Variants in DOCK1 observed in about 807,000 individuals in gnomAD.
The protein encoded by DOCK1 is dedicator of cytokinesis protein 1.
Under a neutral mutation model 262.7 loss-of-function variants are expected in DOCK1, and 138 were observed. The ratio of observed to expected loss-of-function variants is 0.53; its 90% CI spans 0.46 to 0.61. The LOEUF is 0.61. DOCK1 is among the 20% of genes least tolerant of loss of function. DOCK1 has a pLI of 0.00. For missense variants in DOCK1, 1,908 were observed against 2,370.7 expected (o/e 0.80, Z 4.05); for synonymous variants, 866 against 867.4 (o/e 1.00, Z 0.03).
intron 35 of DOCK1, among the ~76,000 whole-genome samples, chr10:127,378,965 C>A (rs969661690): frequency 2.0e-5 from 3 of 152,330 alleles, no homozygotes; most frequent in East Asian, 3.9e-4. Flanking sequence ...TCAGAGACAT[C>A]AATTGTAGAA....
intron 27 of DOCK1, among the ~76,000 whole-genome samples, chr10:127,231,100 A>G (rs2058825265): frequency 6.6e-6 from 1 of 152,136 alleles, no homozygotes; most frequent in African/African-American, 2.4e-5. Flanking sequence ...TATTAATGCA[A>G]CTTTCATTAA....
At chr10:127,424,683 C>T (rs909556388) in intron 46 of DOCK1, among the ~76,000 whole-genome samples, 1 of 152,140 alleles carries the variant, frequency 6.6e-6, no homozygotes, top group African/African-American at 2.4e-5. Flanking sequence ...CGGCTAGCCC[C>T]GGGGAAGCTG....
rs778850029 is a variant in DOCK1 at position 127,410,978 on chromosome 10, C to T, written c.4428+54C>T. 4.5e-6 allele frequency: 7 copies of T among 1,554,002 alleles called. No homozygotes were observed. In the East Asian group the frequency reaches 1.6e-4, roughly 36 times the overall value. ...ACAACAAAAAATATCATTCCGCCAC[C>T]AGTAGAACTGCCACTGGAGAAGCGT... On this transcript the variant is annotated intron_variant, in intron 43 of 51. Coordinates refer to ENST00000623213, the MANE Select transcript of DOCK1 (RefSeq NM_001290223.2).
chr10:127,002,844 T>G (rs1359415591), intron 10 of DOCK1, among the ~76,000 whole-genome samples: 1 of 152,224 alleles, frequency 6.6e-6, no homozygotes, highest in African/African-American at 2.4e-5. Flanking sequence ...GTTCCTTCCC[T>G]TCCTGTCTTG....
chr10:126,969,641 G>T (rs1249494664), intron 1 of DOCK1, among the ~76,000 whole-genome samples: 1 of 152,152 alleles, frequency 6.6e-6, no homozygotes, highest in African/African-American at 2.4e-5. Context: ...TGGCTTTCGT[G>T]ATGAGGTGCA....
intron 20 of DOCK1, 122 bp from the exon 21 acceptor site, chr10:127,042,942 C>T: frequency 1.2e-6 from 1 of 867,036 alleles, no homozygotes; most frequent in Non-Finnish European, 1.8e-6. Context: ...AACTAGCCAC[C>T]AACTTCTATC....
At chr10:127,043,215 G>A in intron 21 of DOCK1, 51 bp downstream of exon 21, 1 of 1,373,376 alleles carries the variant, frequency 7.3e-7, no homozygotes, top group Admixed American at 2.0e-5. Context: ...TGGTATTTGT[G>A]TTATTTAGAG....
chr10:126,921,602 A>G (rs183166988), intron 1 of DOCK1, among the ~76,000 whole-genome samples: 1 of 152,064 alleles, frequency 6.6e-6, no homozygotes. Context: ...GTCTGTTTGC[A>G]TTACTATAAA....
chr10:127,303,122 A>G (rs2061746914), intron 29 of DOCK1, among the ~76,000 whole-genome samples: 1 of 152,210 alleles, frequency 6.6e-6, no homozygotes, highest in South Asian at 2.1e-4. Context: ...ATTCCACAGA[A>G]GAGGAGAGAG....
At chr10:127,409,745 C>T (rs112570291) in intron 42 of DOCK1, among the ~76,000 whole-genome samples, 1 of 152,114 alleles carries the variant, frequency 6.6e-6, no homozygotes, top group Admixed American at 6.5e-5. Context: ...CCTGCCTGTT[C>T]CCAGCAAAGC....
Position 127,029,420 on chromosome 10 carries a change from A to C in DOCK1, c.1625-2230A>C, listed in dbSNP as rs78720965. ...CCTGGGATCTGACCTTGGGATTGGAAAGTTTGGTGTCGATGGGTTAACATA... is the reference window on the plus strand; with the variant it reads ...CCTGGGATCTGACCTTGGGATTGGACAGTTTGGTGTCGATGGGTTAACATA... On this transcript the variant is annotated intron_variant, in intron 16 of 51. Transcript: ENST00000623213. 7.4e-3 allele frequency among the ~76,000 whole-genome samples: 1,122 copies of C among 152,312 alleles called. 16 individuals carry two copies. Among genetic ancestry groups the C allele is most frequent in the African/African-American group, 0.025 (1,045 of 41,572 alleles).
chr10:127,289,645 T>A (rs182827525), intron 29 of DOCK1, among the ~76,000 whole-genome samples: 1 of 152,198 alleles, frequency 6.6e-6, no homozygotes, highest in Non-Finnish European at 1.5e-5. Flanking sequence ...TTTTGTACCT[T>A]TGAAAATTTA....
intron 27 of DOCK1, chr10:127,153,769 G>T: frequency 1.9e-6 from 2 of 1,065,662 alleles, no homozygotes; most frequent in Non-Finnish European, 1.4e-6. Flanking sequence ...TCCCAGCATG[G>T]CCCCAGATCG....
intron 37 of DOCK1, among the ~76,000 whole-genome samples, chr10:127,381,958 TATGGATGGATGGATGGATGG>T (rs10541699): frequency 4.0e-5 from 6 of 150,032 alleles, no homozygotes; most frequent in Non-Finnish European, 5.9e-5. Context: ...TACAGTGACG[TATGGATGGATGGATGGATGG>T]ATGGATGGAT....
intron 27 of DOCK1, among the ~76,000 whole-genome samples, chr10:127,191,606 T>C (rs2056761108): frequency 6.6e-6 from 1 of 152,166 alleles, no homozygotes; most frequent in Non-Finnish European, 1.5e-5. Flanking sequence ...AGAAGGACCA[T>C]TGACAAATAC....
intron 27 of DOCK1, among the ~76,000 whole-genome samples, chr10:127,146,859 A>G (rs1347367398): frequency 6.6e-6 from 1 of 152,194 alleles, no homozygotes; most frequent in Non-Finnish European, 1.5e-5. Context: ...AAATGCAATT[A>G]CCACTCTTAA....
intron 22 of DOCK1, among the ~76,000 whole-genome samples, chr10:127,059,053 C>T (rs1160066849): frequency 6.6e-6 from 1 of 152,034 alleles, no homozygotes; most frequent in African/African-American, 2.4e-5. Flanking sequence ...TGATTTATTT[C>T]ATCTTTGTGT....
intron 23 of DOCK1, among the ~76,000 whole-genome samples, chr10:127,104,684 T>C (rs6482668): frequency 0.22 from 34,184 of 152,146 alleles, 5,499 homozygotes; most frequent in African/African-American, 0.46. Flanking sequence ...CCTTGAAGTA[T>C]CTGGCGTGAA....
At chr10:127,010,031 C>T (rs11017814) in intron 11 of DOCK1, among the ~76,000 whole-genome samples, 6,955 of 152,182 alleles carry the variant, frequency 0.046, 221 homozygotes, top group Non-Finnish European at 0.069. Context: ...GCAAACCCTG[C>T]GTTATTGAGC....
Sources: gnomAD v4.1 joint callset for allele counts (sites outside exome capture counted in the v4.1 genomes callset) on GRCh38, gnomAD v4.1.1 for gene constraint, MANE v1.5 for transcripts, NCBI Gene and HGNC (gene_info 2026-07-23, HGNC 2026-07-21) for gene names.